Variants in ANK2 observed in about 807,000 individuals in gnomAD.
The protein encoded by ANK2 is ankyrin 2.
A neutral mutation model predicts 360.5 loss-of-function variants in ANK2; 83 were observed. The ratio of observed to expected loss-of-function variants is 0.23; its 90% confidence interval spans 0.19 to 0.28. The LOEUF is 0.28. ANK2 is among the 10% of genes least tolerant of loss of function. ANK2 has a pLI of 1.00. For synonymous variants in ANK2, 1,740 were observed against 1,759.5 expected (o/e 0.99, Z 0.28); for missense variants, 4,201 against 4,795.7 (o/e 0.88, Z 3.66).
intron 15 of ANK2, among the ~76,000 whole-genome samples, chr4:113,275,608 G>T (rs1190544323): frequency 6.6e-6 from 1 of 151,894 alleles, no homozygotes; most frequent in Non-Finnish European, 1.5e-5. Flanking sequence ...CTGGTTGCCT[G>T]TTATGACTTA....
the ANK2 span, among the ~76,000 whole-genome samples, chr4:112,716,289 T>G: frequency 6.6e-6 from 1 of 152,040 alleles, no homozygotes; most frequent in Non-Finnish European, 1.5e-5. Flanking sequence ...AGAGACAGGG[T>G]CTTGCTATGT....
At chr4:113,305,690 A>T (rs1275597836) in intron 23 of ANK2, among the ~76,000 whole-genome samples, 1 of 152,188 alleles carries the variant, frequency 6.6e-6, no homozygotes. Context: ...CCAACACTTT[A>T]ATGTTTTGTG....
intron 1 of ANK2, among the ~76,000 whole-genome samples, chr4:112,872,633 G>A (rs1203783908): frequency 6.6e-6 from 1 of 152,146 alleles, no homozygotes; most frequent in Admixed American, 6.5e-5. Context: ...CACCACACCT[G>A]GTGCATCTGT....
chr4:113,168,174 A>C (rs1343901152), intron 1 of ANK2, among the ~76,000 whole-genome samples: 2 of 152,222 alleles, frequency 1.3e-5, no homozygotes, highest in Admixed American at 1.3e-4. Context: ...TAGTGTTAAA[A>C]TGTAATACTA....
intron 10 of ANK2, among the ~76,000 whole-genome samples, chr4:113,255,151 G>A (rs1310852968): frequency 1.3e-5 from 2 of 152,116 alleles, no homozygotes; most frequent in Non-Finnish European, 2.9e-5. Context: ...TTGGCACATG[G>A]CCTACATTTG....
intron 40 of ANK2, among the ~76,000 whole-genome samples, chr4:113,364,590 C>CATAA (rs2096427450): frequency 1.3e-5 from 2 of 152,226 alleles, no homozygotes; most frequent in Non-Finnish European, 2.9e-5. Flanking sequence ...TTCCTTTACT[C>CATAA]ATAAATAACA....
chr4:112,837,397 G>A (rs191330103), intron 1 of ANK2, among the ~76,000 whole-genome samples: 5 of 152,366 alleles, frequency 3.3e-5, no homozygotes, highest in East Asian at 1.9e-4. Context: ...CCCTCATGGC[G>A]AACCTCTGCT....
At chr4:113,007,489 C>T (rs964842686) in intron 2 of ANK2, among the ~76,000 whole-genome samples, 4 of 152,084 alleles carry the variant, frequency 2.6e-5, no homozygotes, top group Admixed American at 6.6e-5. Flanking sequence ...GTTTTTTTCC[C>T]GTGTGCTTCT....
In ANK2 at chr4:113,015,104, C is replaced by T. The variant is rs189188826; in HGVS notation, c.21+110590C>T. 5.9e-3 allele frequency among the ~76,000 whole-genome samples: 891 copies of T among 152,030 alleles called. 10 individuals are homozygous for T. Among genetic ancestry groups the T allele is most frequent in the African/African-American group, 0.02 (844 of 41,446 alleles). On this transcript the variant is annotated intron_variant, in intron 2 of 30. Coordinates refer to the ANK2 transcript ENST00000503271. ...CGATCTCCTGACCTCATGATCCGCC[C>T]GCCTCTGCCTCCCAAAGTGCTGGGA...
intron 15 of ANK2, among the ~76,000 whole-genome samples, chr4:113,275,508 G>T (rs1234564014): frequency 6.6e-6 from 1 of 152,110 alleles, no homozygotes; most frequent in Admixed American, 6.6e-5. Flanking sequence ...TTCATCCAGG[G>T]AGAGGGAAAG....
chr4:113,066,717 C>A (rs529695870), intron 1 of ANK2, among the ~76,000 whole-genome samples: 1 of 152,158 alleles, frequency 6.6e-6, no homozygotes, highest in African/African-American at 2.4e-5. Context: ...GAAAGCAGCC[C>A]TGCACATCCA....
intron 2 of ANK2, among the ~76,000 whole-genome samples, chr4:112,948,876 T>G (rs1040372810): frequency 1.3e-5 from 2 of 152,174 alleles, no homozygotes; most frequent in Non-Finnish European, 2.9e-5. Flanking sequence ...AGTAGAGAGA[T>G]AGAGGCAAAG....
chr4:112,776,718 G>T, the ANK2 span, among the ~76,000 whole-genome samples: 1 of 152,156 alleles, frequency 6.6e-6, no homozygotes, highest in African/African-American at 2.4e-5. Context: ...AAAAATAGTT[G>T]CACATTAAAT....
intron 23 of ANK2, among the ~76,000 whole-genome samples, chr4:113,303,189 C>A (rs1016915043): frequency 6.6e-6 from 1 of 151,950 alleles, no homozygotes; most frequent in African/African-American, 2.4e-5. Context: ...GTTAAAAAAT[C>A]TTTTTTTATT....
At chr4:113,178,381 T>C (rs2098296182) in intron 2 of ANK2, among the ~76,000 whole-genome samples, 2 of 152,014 alleles carry the variant, frequency 1.3e-5, no homozygotes, top group South Asian at 4.2e-4. Context: ...ACCAGTCTGG[T>C]CAACATGGTG....
At chr4:112,855,627 C>G (rs1434893676) in intron 1 of ANK2, among the ~76,000 whole-genome samples, 2 of 152,048 alleles carry the variant, frequency 1.3e-5, no homozygotes, top group African/African-American at 4.8e-5. Context: ...AGGTATTGTC[C>G]TAAGTTCATT....
At chr4:112,893,822 C>T (rs2080905860) in intron 1 of ANK2, among the ~76,000 whole-genome samples, 1 of 152,152 alleles carries the variant, frequency 6.6e-6, no homozygotes, top group South Asian at 2.1e-4. Flanking sequence ...AGGCAAAACT[C>T]TGTCTCTACT....
At chr4:112,803,335 C>T in the ANK2 span, among the ~76,000 whole-genome samples, 1 of 151,954 alleles carries the variant, frequency 6.6e-6, no homozygotes, top group South Asian at 2.1e-4. Context: ...TCCAGATGGG[C>T]CCTAAAAGCC....
chr4:113,278,358 A>T, intron 16 of ANK2, 102 bp from the exon 17 acceptor site: 1 of 933,558 alleles, frequency 1.1e-6, no homozygotes, highest in South Asian at 1.4e-5. Context: ...ATATTAATTC[A>T]TTAACATGAA....
Sources: gnomAD v4.1 joint callset for allele counts (sites outside exome capture counted in the v4.1 genomes callset) on GRCh38, gnomAD v4.1.1 for gene constraint, MANE v1.5 for transcripts, NCBI Gene and HGNC (gene_info 2026-07-23, HGNC 2026-07-21) for gene names.